The following KCTD8 variants were observed in gnomAD, a reference collection of about 807,000 sequenced individuals.
KCTD8 encodes the protein potassium channel tetramerization domain containing 8, also known as BTB/POZ domain-containing protein KCTD8.
A neutral mutation model predicts 31.5 loss-of-function variants in KCTD8; 27 were observed. The ratio of observed to expected loss-of-function variants is 0.86; its 90% CI spans 0.63 to 1.18. KCTD8 has a LOEUF of 1.18. Among genes scored for constraint, KCTD8 ranks in the 50% most tolerant of loss-of-function variants. The probability of loss-of-function intolerance (pLI) is 0.00; values close to 1 mark genes in which losing one functional copy is unlikely to be tolerated. For synonymous variants in KCTD8, 290 were observed against 280.0 expected (o/e 1.04, Z -0.36); for missense variants, 658 against 647.7 (o/e 1.02, Z -0.17).
chr4:44,280,481 T>G (rs900450325), intron 1 of KCTD8, among the ~76,000 whole-genome samples: 2 of 152,102 alleles, frequency 1.3e-5, no homozygotes, highest in African/African-American at 4.8e-5. Flanking sequence ...ACTTCAGGGA[T>G]GGCAATTATT....
intron 1 of KCTD8, among the ~76,000 whole-genome samples, chr4:44,442,156 G>C (rs780269618): frequency 7.0e-6 from 1 of 141,876 alleles, no homozygotes; most frequent in Non-Finnish European, 1.5e-5. Context: ...CTTACTAGTG[G>C]TGCTGATTAA....
intron 1 of KCTD8, among the ~76,000 whole-genome samples, chr4:44,212,389 G>T (rs541078906): frequency 1.3e-5 from 2 of 152,190 alleles, no homozygotes; most frequent in Non-Finnish European, 2.9e-5. Flanking sequence ...TCACCCCTTA[G>T]TATATGTGGG....
At chr4:44,344,167 GT>G (rs1185668538) in intron 1 of KCTD8, among the ~76,000 whole-genome samples, 2 of 151,252 alleles carry the variant, frequency 1.3e-5, no homozygotes, top group African/African-American at 4.9e-5. Context: ...CACATTACAG[GT>G]TTTTTAATTA....
At chr4:44,347,888 A>G (rs1719076022) in intron 1 of KCTD8, among the ~76,000 whole-genome samples, 2 of 152,114 alleles carry the variant, frequency 1.3e-5, no homozygotes, top group South Asian at 4.1e-4. Flanking sequence ...ATTTATAGGG[A>G]AAAAATGTCA....
intron 1 of KCTD8, among the ~76,000 whole-genome samples, chr4:44,355,806 C>G (rs1045772289): frequency 6.6e-6 from 1 of 152,052 alleles, no homozygotes; most frequent in African/African-American, 2.4e-5. Flanking sequence ...TTTATAATAT[C>G]AAACGCAAAT....
At chr4:44,284,524 A>G (rs551445422) in intron 1 of KCTD8, among the ~76,000 whole-genome samples, 1 of 152,216 alleles carries the variant, frequency 6.6e-6, no homozygotes, top group Non-Finnish European at 1.5e-5. Context: ...AAATCCTAGA[A>G]GAAAACCTGG....
chr4:44,288,838 A>G (rs1160866726), intron 1 of KCTD8, among the ~76,000 whole-genome samples: 1 of 152,050 alleles, frequency 6.6e-6, no homozygotes, highest in Non-Finnish European at 1.5e-5. Context: ...TGAGAAGTGT[A>G]TGTATGGAAT....
chr4:44,301,564 G>T (rs1226050091), intron 1 of KCTD8, among the ~76,000 whole-genome samples: 1 of 152,058 alleles, frequency 6.6e-6, no homozygotes, highest in Non-Finnish European at 1.5e-5. Context: ...TGATGGGGTT[G>T]TTTCTTTTTT....
At chr4:44,372,603 CT>C (rs112823478) in intron 1 of KCTD8, among the ~76,000 whole-genome samples, 216 of 151,258 alleles carry the variant, frequency 1.4e-3, no homozygotes, top group African/African-American at 4.6e-3. Context: ...GTAAAGAAAC[CT>C]TTTTTTTTCC....
At chr4:44,322,749 T>C (rs1348785472) in intron 1 of KCTD8, among the ~76,000 whole-genome samples, 3 of 152,098 alleles carry the variant, frequency 2.0e-5, no homozygotes, top group Non-Finnish European at 4.4e-5. Flanking sequence ...TAATCTATTT[T>C]GAGTTAATTT....
At chr4:44,324,653 C>T (rs546676668) in intron 1 of KCTD8, among the ~76,000 whole-genome samples, 9 of 152,022 alleles carry the variant, frequency 5.9e-5, no homozygotes, top group Middle Eastern at 3.4e-3. Context: ...CTTTCAATTG[C>T]CCCTGAGGCT....
chr4:44,278,434 A>C (rs1182446460), intron 1 of KCTD8, among the ~76,000 whole-genome samples: 1 of 152,044 alleles, frequency 6.6e-6, no homozygotes, highest in East Asian at 1.9e-4. Flanking sequence ...ATGCCTATTA[A>C]AAGTTAGAAT....
At chr4:44,222,106 A>G (rs1047220600) in intron 1 of KCTD8, among the ~76,000 whole-genome samples, 1 of 152,212 alleles carries the variant, frequency 6.6e-6, no homozygotes, top group African/African-American at 2.4e-5. Flanking sequence ...TAAATAATTT[A>G]CATTTTTATT....
At chr4:44,302,199 G>A (rs563568278) in intron 1 of KCTD8, among the ~76,000 whole-genome samples, 4 of 152,156 alleles carry the variant, frequency 2.6e-5, no homozygotes, top group Middle Eastern at 3.4e-3. Flanking sequence ...TTGGGATTGC[G>A]GGCTCTTTTT....
At chr4:44,211,562 C>A (rs1577833172) in intron 1 of KCTD8, among the ~76,000 whole-genome samples, 1 of 152,138 alleles carries the variant, frequency 6.6e-6, no homozygotes, top group East Asian at 1.9e-4. Context: ...CCTTATCTAT[C>A]CTCTCATCAA....
chr4:44,279,978 A>AT (rs1257481813), intron 1 of KCTD8, among the ~76,000 whole-genome samples: 1 of 151,958 alleles, frequency 6.6e-6, no homozygotes, highest in Non-Finnish European at 1.5e-5. Flanking sequence ...TTTTTCCTTT[A>AT]TTTTTTTATG....
chr4:44,184,385 T>A (rs1713520438), intron 1 of KCTD8, among the ~76,000 whole-genome samples: 1 of 152,154 alleles, frequency 6.6e-6, no homozygotes, highest in Admixed American at 6.5e-5. Context: ...TTTCTATAAT[T>A]TCCATTAGCA....
chr4:44,322,460 G>T (rs1204449782), intron 1 of KCTD8, among the ~76,000 whole-genome samples: 1 of 151,876 alleles, frequency 6.6e-6, no homozygotes, highest in African/African-American at 2.4e-5. Flanking sequence ...TATTGCTTTT[G>T]AGTTGTTTCA....
chr4:44,254,042 C>G (rs1276418883), intron 1 of KCTD8, among the ~76,000 whole-genome samples: 1 of 151,848 alleles, frequency 6.6e-6, no homozygotes, highest in Admixed American at 6.6e-5. Flanking sequence ...TGTGGCAACA[C>G]AGTCACCTGC....
Sources: gnomAD v4.1 joint callset for allele counts (sites outside exome capture counted in the v4.1 genomes callset) on GRCh38, gnomAD v4.1.1 for gene constraint, MANE v1.5 for transcripts, NCBI Gene and HGNC (gene_info 2026-07-23, HGNC 2026-07-21) for gene names.